Variants in GNAO1 observed in about 807,000 individuals in gnomAD.
GNAO1 encodes the protein guanine nucleotide-binding protein G(o) subunit alpha.
For synonymous variants in GNAO1, 164 were observed against 180.7 expected (o/e 0.91, Z 0.74); for missense variants, 166 against 478.7 (o/e 0.35, Z 6.10).
At chr16:56,224,636 C>T (rs531171929) in intron 2 of GNAO1, among the ~76,000 whole-genome samples, 89 of 152,162 alleles carry the variant, frequency 5.8e-4, no homozygotes, top group Non-Finnish European at 8.8e-4. Flanking sequence ...TGCATCACCA[C>T]GTCTGGCTAA....
intron 2 of GNAO1, among the ~76,000 whole-genome samples, chr16:56,218,677 A>C (rs1489750261): frequency 6.6e-6 from 1 of 152,024 alleles, no homozygotes; most frequent in African/African-American, 2.4e-5. Context: ...GTCTCTCTCT[A>C]TGCTGGAACC....
At chr16:56,303,460 T>G (rs1366011166) in intron 3 of GNAO1, among the ~76,000 whole-genome samples, 1 of 152,184 alleles carries the variant, frequency 6.6e-6, no homozygotes, top group African/African-American at 2.4e-5. Context: ...CTCTCTGTGT[T>G]CCCTGCAAGG....
At chr16:56,327,219 G>A (rs564137500) in intron 3 of GNAO1, among the ~76,000 whole-genome samples, 1 of 152,208 alleles carries the variant, frequency 6.6e-6, no homozygotes, top group South Asian at 2.1e-4. Context: ...TTCCCAGGAT[G>A]AATGACAGAG....
chr16:56,211,159 A>G (rs2036383187), intron 2 of GNAO1, among the ~76,000 whole-genome samples: 1 of 152,198 alleles, frequency 6.6e-6, no homozygotes, highest in South Asian at 2.1e-4. Context: ...GGAGTAGGAA[A>G]TAACATTTAT....
intron 3 of GNAO1, among the ~76,000 whole-genome samples, chr16:56,278,845 G>T (rs191759741): frequency 6.6e-6 from 1 of 152,254 alleles, no homozygotes; most frequent in African/African-American, 2.4e-5. Flanking sequence ...ATAAAGCTCT[G>T]TTCAGCTGGA....
At chr16:56,230,556 T>C (rs1453861596) in intron 2 of GNAO1, among the ~76,000 whole-genome samples, 4 of 152,208 alleles carry the variant, frequency 2.6e-5, no homozygotes, top group Non-Finnish European at 4.4e-5. Flanking sequence ...ATAGCCTTTA[T>C]GGTTTGTTGT....
At chr16:56,259,041 C>T (rs1325113371) in intron 2 of GNAO1, among the ~76,000 whole-genome samples, 1 of 152,212 alleles carries the variant, frequency 6.6e-6, no homozygotes, top group Non-Finnish European at 1.5e-5. Context: ...TCTTACATGA[C>T]CAGCTGAAGA....
At chr16:56,344,946 G>T (rs1367493614) in intron 6 of GNAO1, 2 of 982,244 alleles carry the variant, frequency 2.0e-6, no homozygotes, top group Non-Finnish European at 2.4e-6. Context: ...AGAAATCAGC[G>T]AGTTTGTTCA....
At chr16:56,314,659 G>A (rs1373721964) in intron 3 of GNAO1, among the ~76,000 whole-genome samples, 5 of 152,220 alleles carry the variant, frequency 3.3e-5, no homozygotes, top group African/African-American at 9.6e-5. Context: ...GTCCAGCGCC[G>A]GCGCCTGGCT....
intron 2 of GNAO1, among the ~76,000 whole-genome samples, chr16:56,248,357 G>A (rs760149201): frequency 4.6e-5 from 7 of 152,150 alleles, no homozygotes; most frequent in Admixed American, 1.3e-4. Context: ...AAATCTAACA[G>A]GCAAACTTTG....
At chr16:56,205,337 T>G (rs1295312591) in intron 2 of GNAO1, among the ~76,000 whole-genome samples, 1 of 152,196 alleles carries the variant, frequency 6.6e-6, no homozygotes, top group African/African-American at 2.4e-5. Flanking sequence ...GAGCTGGCTG[T>G]GTGCAGGAGC....
At chr16:56,340,816 C>G (rs369981747) in intron 6 of GNAO1, 3 of 1,610,980 alleles carry the variant, frequency 1.9e-6, no homozygotes, top group Non-Finnish European at 2.5e-6. Flanking sequence ...CCTCACTCAC[C>G]CCTCCACTCT....
At chr16:56,213,067 A>T (rs1433748451) in intron 2 of GNAO1, among the ~76,000 whole-genome samples, 1 of 152,214 alleles carries the variant, frequency 6.6e-6, no homozygotes, top group Non-Finnish European at 1.5e-5. Flanking sequence ...CAGAACTCGG[A>T]GTCTCACAGC....
chr16:56,277,227 G>T (rs1190084086), intron 3 of GNAO1, among the ~76,000 whole-genome samples: 1 of 152,214 alleles, frequency 6.6e-6, no homozygotes, highest in Non-Finnish European at 1.5e-5. Context: ...CTAGCAGGGG[G>T]ACCTGGGCCC....
intron 2 of GNAO1, chr16:56,194,393 C>A: frequency 2.5e-6 from 1 of 400,050 alleles, no homozygotes; most frequent in South Asian, 1.8e-5. Context: ...CGTTTTAAAA[C>A]TTCAGAAGTC....
chr16:56,344,135 AGGGGCGGGGC>A, intron 6 of GNAO1: 1 of 1,443,216 alleles, frequency 6.9e-7, no homozygotes, highest in Non-Finnish European at 9.1e-7. Flanking sequence ...GTGGTAACGC[AGGGGCGGGGC>A]GGGGCTGCTG....
chr16:56,347,332 G>C (rs1237472520), intron 6 of GNAO1: 4 of 985,428 alleles, frequency 4.1e-6, no homozygotes, highest in Non-Finnish European at 4.8e-6. Flanking sequence ...GTCACCCCCA[G>C]GCAGTTCCTG....
At chr16:56,227,144 T>C (rs1394185738) in intron 2 of GNAO1, among the ~76,000 whole-genome samples, 1 of 152,160 alleles carries the variant, frequency 6.6e-6, no homozygotes, top group Non-Finnish European at 1.5e-5. Flanking sequence ...TTTTTTTGTT[T>C]TTGTTTTTGT....
At chr16:56,279,408 T>C (rs781081458) in intron 3 of GNAO1, among the ~76,000 whole-genome samples, 44 of 152,114 alleles carry the variant, frequency 2.9e-4, no homozygotes, top group Non-Finnish European at 2.6e-4. Context: ...CTTACATCCG[T>C]CTGTGGTTTC....
Sources: allele counts gnomAD v4.1 joint callset (sites outside exome capture counted in the v4.1 genomes callset), GRCh38; gene constraint gnomAD v4.1.1; transcripts MANE v1.5; gene names NCBI Gene and HGNC (gene_info 2026-07-23, HGNC 2026-07-21).